Variants in UNC119B observed in about 807,000 individuals in gnomAD.
The protein encoded by UNC119B is unc-119 lipid binding chaperone B.
UNC119B carries 16 observed loss-of-function variants against 23.4 expected under a neutral mutation model. The observed-to-expected ratio is 0.68, with a 90% CI of 0.46 to 1.04. UNC119B has a LOEUF of 1.04. UNC119B is among the 50% of genes least tolerant of loss of function. UNC119B has a pLI of 0.00. For synonymous variants in UNC119B, 144 were observed against 145.4 expected (o/e 0.99, Z 0.07); for missense variants, 350 against 361.3 (o/e 0.97, Z 0.25).
intron 1 of UNC119B, among the ~76,000 whole-genome samples, chr12:120,713,059 A>G (rs1222350440): frequency 6.6e-6 from 1 of 152,242 alleles, no homozygotes; most frequent in African/African-American, 2.4e-5. Context: ...GCAATTTTTC[A>G]TCCAAAGCAA....
At position 120,710,840 on chromosome 12, in the gene UNC119B, G is replaced by C; in HGVS notation, c.244+122G>C. The C allele has an allele frequency of 6.0e-6, 6 of 992,212 alleles. No homozygotes were observed. The South Asian group carries it at 1.5e-4, about 25-fold the overall frequency. The allele number at this position is 992,212 out of a possible 1,614,324, so 61.5% of individuals were successfully genotyped here. On this transcript the variant is annotated intron_variant, in intron 1 of 4. Transcript: ENST00000344651. ...CCAGACCCCCTCGGCCGGCCGGGCC[G>C]CGCTTCCCGCTGCCCCGCCGGCCGG...
intron 2 of UNC119B, among the ~76,000 whole-genome samples, chr12:120,714,595 A>C (rs1004405225): frequency 6.6e-6 from 1 of 152,016 alleles, no homozygotes; most frequent in African/African-American, 2.4e-5. Context: ...TGGGATTACA[A>C]GCGTGAGCCA....
At chr12:120,718,767 A>G (rs1392240340) in intron 4 of UNC119B, among the ~76,000 whole-genome samples, 1 of 152,234 alleles carries the variant, frequency 6.6e-6, no homozygotes, top group Non-Finnish European at 1.5e-5. Context: ...CCTTGCTGGC[A>G]TCACTGATTG....
At chr12:120,718,709 T>G (rs986378549) in intron 4 of UNC119B, among the ~76,000 whole-genome samples, 6 of 152,192 alleles carry the variant, frequency 3.9e-5, no homozygotes, top group African/African-American at 1.4e-4. Context: ...ATTCAAGTCA[T>G]TTATGAGGGT....
At chr12:120,715,954 T>C (rs987072611) in intron 2 of UNC119B, among the ~76,000 whole-genome samples, 5 of 152,202 alleles carry the variant, frequency 3.3e-5, no homozygotes, top group South Asian at 2.1e-4. Context: ...GTCAAAGGGT[T>C]AGGCCTGGTA....
At position 120,723,485 on chromosome 12, in the gene UNC119B, C is replaced by T. The variant is rs1324234071; in HGVS notation, c.*3453C>T. ...ATTTTTTACAGAATATAAGAAACAT[C>T]AATGACCTGATCTGTCCTTCCTCCT... On this transcript the variant is annotated 3_prime_UTR_variant, in exon 5 of 5. Coordinates refer to ENST00000344651, the MANE Select transcript of UNC119B (RefSeq NM_001080533.3). The T allele has an allele frequency of 6.6e-6, 1 of 152,492 alleles. No homozygotes were observed. The highest frequency in any genetic ancestry group is 2.4e-5 in the African/African-American group (1 of 41,436). The allele number at this position is 152,492 out of a possible 1,614,324, so 9.4% of individuals were successfully genotyped here.
intron 1 of UNC119B, among the ~76,000 whole-genome samples, chr12:120,712,436 C>T (rs561010117): frequency 1.2e-4 from 19 of 152,282 alleles, no homozygotes; most frequent in African/African-American, 3.9e-4. Context: ...CCGGAATCAT[C>T]CTAGAAAGAA....
intron 4 of UNC119B, among the ~76,000 whole-genome samples, chr12:120,717,878 T>C (rs567186664): frequency 7.6e-4 from 114 of 150,608 alleles, no homozygotes; most frequent in African/African-American, 2.2e-3. Flanking sequence ...GTTTTTTTTT[T>C]TTTTCTTTTT....
intron 2 of UNC119B, among the ~76,000 whole-genome samples, chr12:120,715,394 A>C (rs1248518744): frequency 6.6e-6 from 1 of 151,988 alleles, no homozygotes; most frequent in Admixed American, 6.6e-5. Flanking sequence ...AAAAGCAGAG[A>C]TGTTTGATGC....
rs149574580 is a variant in UNC119B, at chr12:120,722,060, C to T, written c.*2028C>T. ...ATCTGGGATGTGGTTCTGGAGCTGC[C>T]CAGAGCTGTGCTTAGTAGAGTGTGT... On this transcript the variant is annotated 3_prime_UTR_variant, in exon 5 of 5. Coordinates refer to ENST00000344651, the MANE Select transcript of UNC119B (RefSeq NM_001080533.3). 6.6e-6 allele frequency: 1 copy of T among 152,364 alleles called. No homozygotes were observed. Among genetic ancestry groups the T allele is most frequent in the Non-Finnish European group, 1.5e-5 (1 of 68,084 alleles). The allele number at this position is 152,364 out of a possible 1,614,324, so 9.4% of individuals were successfully genotyped here. A position where few individuals can be genotyped will look rare whatever the true frequency, so the allele number is the denominator to read the frequency against.
At chr12:120,716,510 T>C (rs1177479221) in intron 2 of UNC119B, 118 bp from the exon 3 acceptor site, 10 of 1,043,016 alleles carry the variant, frequency 9.6e-6, no homozygotes, top group Non-Finnish European at 1.5e-5. Context: ...ACACTGGCCA[T>C]TCTTCTTGTT....
At chr12:120,714,283 C>G (rs1054547261) in intron 2 of UNC119B, among the ~76,000 whole-genome samples, 5 of 152,004 alleles carry the variant, frequency 3.3e-5, no homozygotes, top group African/African-American at 1.2e-4. Flanking sequence ...GGCTCAAGTT[C>G]ATGGGTAATT....
chr12:120,714,480 C>T (rs1882729670), intron 2 of UNC119B, among the ~76,000 whole-genome samples: 2 of 152,128 alleles, frequency 1.3e-5, no homozygotes, highest in South Asian at 4.2e-4. Context: ...ACCACCATGC[C>T]TAGCTAATTT....
In UNC119B at chr12:120,721,954, C is replaced by T. The variant is rs1247334100; in HGVS notation, c.*1922C>T. ...CTCCTCAAATGGGATTTGCATGTTC[C>T]TGTCAAGCGTAACAACAATCCCTTC... On this transcript the variant is annotated 3_prime_UTR_variant, in exon 5 of 5. Transcript: ENST00000344651. 1 of 152,648 alleles carries T rather than the reference C, an allele frequency of 6.6e-6. No homozygotes were observed. The highest frequency in any genetic ancestry group is 2.4e-5 in the African/African-American group (1 of 41,450). 9.5% of individuals were successfully genotyped at this position (152,648 alleles called of 1,614,324 possible).
At position 120,710,485 on chromosome 12, in the gene UNC119B, C is replaced by G. The variant is rs1882632702; in HGVS notation, c.11C>G (p.Ser4Cys). MSGSNPKAAAAASA... is the reference protein window; with the variant it reads MSGCNPKAAAAASA... Reference sequence around the variant, plus strand: ...CTTGGCGGCGGAGCGATGAGCGGGTCTAACCCGAAGGCTGCGGCCGCGGCG... The same window carrying G: ...CTTGGCGGCGGAGCGATGAGCGGGTGTAACCCGAAGGCTGCGGCCGCGGCG... The change falls in exon 1 of 5, where the codon TCT becomes TGT. Residue 4 changes from serine to cysteine, a missense_variant. Transcript: ENST00000344651. 5 of 1,346,334 alleles carry G rather than the reference C, an allele frequency of 3.7e-6. No homozygotes were observed. The Admixed American group carries it at 1.8e-4, about 50-fold the overall frequency. The allele number at this position is 1,346,334 out of a possible 1,614,324, so 83.4% of individuals were successfully genotyped here.
At chr12:120,710,855 C>T (rs1478151279) in intron 1 of UNC119B, 137 bp downstream of exon 1, 2 of 860,516 alleles carry the variant, frequency 2.3e-6, no homozygotes, top group Non-Finnish European at 1.5e-6. Context: ...TCCCGCTGCC[C>T]CGCCGGCCGG....
intron 1 of UNC119B, among the ~76,000 whole-genome samples, chr12:120,712,929 C>A (rs926350827): frequency 2.0e-5 from 3 of 152,240 alleles, no homozygotes; most frequent in Admixed American, 2.0e-4. Context: ...GTTTAAATGT[C>A]TTAGATTGGA....
At position 120,722,883 on chromosome 12, in the gene UNC119B, T is replaced by C. The variant is rs971456640; in HGVS notation, c.*2851T>C. ...ATACTGTTTTGCAGAGAAAACATTT[T>C]TCAAGCATGTGCTTCCTGAAGACAC... On this transcript the variant is annotated 3_prime_UTR_variant, in exon 5 of 5. Transcript: ENST00000344651. 2.8e-4 allele frequency: 42 copies of C among 152,366 alleles called. 1 individual carries two copies. Among genetic ancestry groups the C allele is most frequent in the Non-Finnish European group, 1.5e-4 (10 of 68,128 alleles). 9.4% of individuals were successfully genotyped at this position (152,366 alleles called of 1,614,324 possible).
rs752084222 is a variant in UNC119B, at chr12:120,721,310, G to A, written c.*1278G>A. ...ACTTGCACATCTGTGGGCTGCTTTTGTCCTCAGACCCTTAGTGGACAGACT... is the reference window on the plus strand; with the variant it reads ...ACTTGCACATCTGTGGGCTGCTTTTATCCTCAGACCCTTAGTGGACAGACT... On this transcript the variant is annotated 3_prime_UTR_variant, in exon 5 of 5. Coordinates refer to ENST00000344651, the MANE Select transcript of UNC119B (RefSeq NM_001080533.3). 6.6e-6 allele frequency: 1 copy of A among 152,212 alleles called. No individual in the cohort carries two copies. The highest frequency in any genetic ancestry group is 6.5e-5 in the Admixed American group (1 of 15,288). The allele number at this position is 152,212 out of a possible 1,614,324, so 9.4% of individuals were successfully genotyped here.
Sources: gnomAD v4.1 joint callset for allele counts (sites outside exome capture counted in the v4.1 genomes callset) on GRCh38, gnomAD v4.1.1 for gene constraint, MANE v1.5 for transcripts, NCBI Gene and HGNC (gene_info 2026-07-23, HGNC 2026-07-21) for gene names.